PRKG1: variants seen among roughly 807,000 people sequenced by gnomAD.
PRKG1 encodes the protein cGMP-dependent protein kinase 1.
PRKG1 carries 35 observed loss-of-function variants against 88.1 expected under a neutral mutation model. The observed-to-expected ratio is 0.40, with a 90% confidence interval of 0.30 to 0.53. The LOEUF is 0.53. Ranked by LOEUF, PRKG1 falls within the 20% of genes least tolerant of loss-of-function variation. PRKG1 has a pLI of 0.59. For synonymous variants in PRKG1, 303 were observed against 292.5 expected, an observed-to-expected ratio of 1.04 and a Z score of -0.37; for missense variants, 540 against 839.8, an observed-to-expected ratio of 0.64 and a Z score of 4.41.
chr10:51,626,977 G>T (rs1372923588), intron 3 of PRKG1, among the ~76,000 whole-genome samples: 1 of 152,046 alleles, frequency 6.6e-6, no homozygotes, highest in Non-Finnish European at 1.5e-5. Flanking sequence ...ATAGTGCCAG[G>T]TACTGAAAGT....
At chr10:51,753,491 T>C (rs1837780177) in intron 3 of PRKG1, among the ~76,000 whole-genome samples, 1 of 152,162 alleles carries the variant, frequency 6.6e-6, no homozygotes, top group East Asian at 1.9e-4. Flanking sequence ...GCAACTAAGA[T>C]GATTTTTTTA....
chr10:52,166,362 A>G (rs894089366), intron 9 of PRKG1, among the ~76,000 whole-genome samples: 2 of 152,046 alleles, frequency 1.3e-5, no homozygotes, highest in Admixed American at 1.3e-4. Context: ...AATTGAATGA[A>G]TACTTTCACT....
At chr10:52,029,126 T>C (rs1198449718) in intron 5 of PRKG1, among the ~76,000 whole-genome samples, 1 of 152,224 alleles carries the variant, frequency 6.6e-6, no homozygotes, top group African/African-American at 2.4e-5. Context: ...TGGACTTTCC[T>C]ATTCTTGCAT....
intron 1 of PRKG1, among the ~76,000 whole-genome samples, chr10:51,024,207 C>A (rs935386616): frequency 2.6e-5 from 4 of 152,138 alleles, no homozygotes; most frequent in African/African-American, 9.7e-5. Context: ...GAATTAAGTA[C>A]TTACAATAAT....
At chr10:51,960,861 G>A (rs568144198) in intron 5 of PRKG1, among the ~76,000 whole-genome samples, 1 of 152,222 alleles carries the variant, frequency 6.6e-6, no homozygotes, top group South Asian at 2.1e-4. Flanking sequence ...ACTGCTTAGG[G>A]ATTCTAAGAA....
At chr10:51,211,075 T>C (rs1261092054) in intron 2 of PRKG1, among the ~76,000 whole-genome samples, 5 of 152,178 alleles carry the variant, frequency 3.3e-5, no homozygotes, top group Admixed American at 6.5e-5. Context: ...AATAAAATAC[T>C]GGCAAAACGA....
intron 2 of PRKG1, among the ~76,000 whole-genome samples, chr10:51,235,177 TCC>T (rs1198841434): frequency 6.6e-6 from 1 of 152,192 alleles, no homozygotes; most frequent in Non-Finnish European, 1.5e-5. Flanking sequence ...AGCTTTCAAC[TCC>T]CTGGCCAAGC....
chr10:51,564,233 C>A (rs1427179166), intron 3 of PRKG1, among the ~76,000 whole-genome samples: 2 of 128,120 alleles, frequency 1.6e-5, no homozygotes, highest in South Asian at 2.2e-4. Flanking sequence ...CAAAACAAAA[C>A]AAAAAAACCC....
intron 5 of PRKG1, among the ~76,000 whole-genome samples, chr10:52,039,340 T>TTGAGCCAGGA (rs1288166913): frequency 1.3e-5 from 2 of 152,174 alleles, no homozygotes; most frequent in Non-Finnish European, 2.9e-5. Flanking sequence ...GGGGTGCTTT[T>TTGAGCCAGGA]TGAGCCAGGA....
chr10:52,266,678 T>G (rs1293484950), intron 10 of PRKG1, among the ~76,000 whole-genome samples: 1 of 152,150 alleles, frequency 6.6e-6, no homozygotes, highest in Admixed American at 6.6e-5. Context: ...CATAACACTT[T>G]TATTTAGTTT....
intron 2 of PRKG1, among the ~76,000 whole-genome samples, chr10:51,262,562 C>G (rs1301050479): frequency 6.6e-6 from 1 of 152,126 alleles, no homozygotes; most frequent in Non-Finnish European, 1.5e-5. Flanking sequence ...AGTTTGACAT[C>G]GTATAAAGCC....
chr10:52,281,448 T>C (rs1032300060), intron 13 of PRKG1, among the ~76,000 whole-genome samples: 1 of 72,362 alleles, frequency 1.4e-5, no homozygotes, highest in South Asian at 5.8e-4. Flanking sequence ...TTGTTGGATC[T>C]GTTAACAGCT....
At chr10:51,857,837 G>A (rs1840721899) in intron 4 of PRKG1, among the ~76,000 whole-genome samples, 1 of 151,462 alleles carries the variant, frequency 6.6e-6, no homozygotes, top group Non-Finnish European at 1.5e-5. Flanking sequence ...TGAAGCCAAT[G>A]GAGAGAACGT....
intron 10 of PRKG1, chr10:52,252,426 GT>G (rs1194265725): frequency 3.9e-5 from 6 of 152,204 alleles, no homozygotes; most frequent in African/African-American, 1.4e-4. Flanking sequence ...TCAAGACGGT[GT>G]GGCTATAAAC....
intron 3 of PRKG1, among the ~76,000 whole-genome samples, chr10:51,728,732 G>A (rs1018051250): frequency 3.3e-5 from 5 of 152,086 alleles, no homozygotes; most frequent in Admixed American, 6.6e-5. Flanking sequence ...ATAGAATGAT[G>A]AGAAAGGAAA....
At chr10:51,822,282 A>T (rs60285660) in intron 4 of PRKG1, among the ~76,000 whole-genome samples, 1 of 151,814 alleles carries the variant, frequency 6.6e-6, no homozygotes, top group Non-Finnish European at 1.5e-5. Context: ...ATGGATGAGC[A>T]TTGAGGACAT....
intron 3 of PRKG1, among the ~76,000 whole-genome samples, chr10:51,800,565 T>G (rs978580031): frequency 6.6e-6 from 1 of 152,092 alleles, no homozygotes. Context: ...TTCTAGTGAA[T>G]ACATATCACT....
intron 4 of PRKG1, among the ~76,000 whole-genome samples, chr10:51,880,494 A>C (rs1490732898): frequency 6.6e-6 from 1 of 152,142 alleles, no homozygotes; most frequent in African/African-American, 2.4e-5. Flanking sequence ...TCCATTTAAG[A>C]GTTACTATCT....
intron 5 of PRKG1, among the ~76,000 whole-genome samples, chr10:51,982,239 T>C (rs1294648794): frequency 6.6e-6 from 1 of 152,224 alleles, no homozygotes; most frequent in Non-Finnish European, 1.5e-5. Flanking sequence ...TGTATCTTCC[T>C]TGGATTGAGT....
Sources: gnomAD v4.1 joint callset for allele counts (sites outside exome capture counted in the v4.1 genomes callset) on GRCh38, gnomAD v4.1.1 for gene constraint, MANE v1.5 for transcripts, NCBI Gene and HGNC (gene_info 2026-07-23, HGNC 2026-07-21) for gene names.